CEP112: variants seen among roughly 807,000 people sequenced by gnomAD.
CEP112 encodes centrosomal protein of 112 kDa.
CEP112 carries 127 observed loss-of-function variants against 153.0 expected under a neutral mutation model. The observed-to-expected ratio is 0.83, with a 90% CI of 0.72 to 0.96. The LOEUF is 0.96. Among genes scored for constraint, CEP112 ranks in the 40% least tolerant of loss-of-function variants. The probability of loss-of-function intolerance (pLI) is 0.00; values close to 1 mark genes in which losing one functional copy is unlikely to be tolerated. For missense variants in CEP112, 1,089 were observed against 1,101.2 expected (o/e 0.99, Z 0.16); for synonymous variants, 358 against 374.4 (o/e 0.96, Z 0.51).
intron 24 of CEP112, among the ~76,000 whole-genome samples, chr17:65,645,885 G>A (rs1385357611): frequency 1.3e-5 from 2 of 152,220 alleles, no homozygotes. Flanking sequence ...GTTGAGGTGT[G>A]GTGGGGGCAG....
chr17:65,750,801 C>G, intron 21 of CEP112, 77 bp from the exon 22 acceptor site: 1 of 1,350,346 alleles, frequency 7.4e-7, no homozygotes, highest in Non-Finnish European at 1.1e-6. Flanking sequence ...TATCACCAGG[C>G]AGCTGGGATG....
intron 21 of CEP112, among the ~76,000 whole-genome samples, chr17:65,789,023 C>A (rs1051898843): frequency 2.6e-5 from 4 of 152,140 alleles, no homozygotes; most frequent in African/African-American, 9.7e-5. Flanking sequence ...GATAGTAAAT[C>A]ATCTTTTTGT....
chr17:66,140,967 T>C (rs1044856588), intron 4 of CEP112, among the ~76,000 whole-genome samples: 3 of 152,194 alleles, frequency 2.0e-5, no homozygotes, highest in Admixed American at 6.5e-5. Context: ...TCTTTCAGGC[T>C]CTTTTCAGTA....
At chr17:65,770,144 TCAAA>T (rs768965831) in intron 21 of CEP112, among the ~76,000 whole-genome samples, 1 of 147,500 alleles carries the variant, frequency 6.8e-6, no homozygotes, top group East Asian at 2.0e-4. Flanking sequence ...CAAAAGATCA[TCAAA>T]CAAACAAACA....
intron 6 of CEP112, among the ~76,000 whole-genome samples, chr17:66,123,388 C>A (rs2069688938): frequency 6.6e-6 from 1 of 152,198 alleles, no homozygotes; most frequent in Non-Finnish European, 1.5e-5. Context: ...ATCTTCTTTG[C>A]CACACCCACT....
intron 1 of CEP112, among the ~76,000 whole-genome samples, chr17:66,186,355 G>A (rs972434129): frequency 4.6e-5 from 7 of 152,090 alleles, no homozygotes; most frequent in African/African-American, 1.7e-4. Flanking sequence ...AGGCTGGAGT[G>A]TAGTGGCACG....
In CEP112 at chr17:66,184,090, C is replaced by CA. The variant is rs200347730; in HGVS notation, c.-8-784dup. Among the ~76,000 whole-genome samples, 1,182 of 147,482 alleles carry CA rather than the reference C, an allele frequency of 8.0e-3. 14 individuals carry two copies. Among genetic ancestry groups the CA allele is most frequent in the African/African-American group, 0.027 (1,102 of 40,244 alleles). ...TTGGTGAGACCCCATCTCTACAAAA[C>CA]AAAAAAAAAATTAAAAATTAGCCAG... On this transcript the variant is annotated intron_variant, in intron 1 of 26. Coordinates refer to ENST00000535342, the MANE Select transcript of CEP112 (RefSeq NM_001199165.4).
chr17:65,883,521 C>T (rs2059162475), intron 20 of CEP112, among the ~76,000 whole-genome samples: 1 of 151,998 alleles, frequency 6.6e-6, no homozygotes, highest in Admixed American at 6.6e-5. Context: ...CCACCATGCC[C>T]AGCTAATGTT....
At chr17:65,944,624 G>A (rs1051502955) in intron 18 of CEP112, among the ~76,000 whole-genome samples, 4 of 151,786 alleles carry the variant, frequency 2.6e-5, no homozygotes, top group Admixed American at 6.6e-5. Flanking sequence ...TTGCTCTGTC[G>A]CTCAGGCTAG....
intron 8 of CEP112, among the ~76,000 whole-genome samples, chr17:66,078,674 A>T (rs973022589): frequency 1.3e-5 from 2 of 151,398 alleles, no homozygotes; most frequent in South Asian, 2.1e-4. Flanking sequence ...GGTTTTTTTT[A>T]ATTTTTGTTT....
chr17:65,868,292 G>C (rs958275560), intron 20 of CEP112, among the ~76,000 whole-genome samples: 1 of 152,058 alleles, frequency 6.6e-6, no homozygotes, highest in African/African-American at 2.4e-5. Flanking sequence ...TTGAGGTCAG[G>C]AGTTCAAGAC....
chr17:66,149,710 TGTA>T (rs1191718229), intron 4 of CEP112, among the ~76,000 whole-genome samples: 6 of 151,982 alleles, frequency 3.9e-5, no homozygotes, highest in African/African-American at 1.4e-4. Context: ...TTCTTACCCA[TGTA>T]GTTAAAAGTT....
chr17:65,841,347 G>A (rs1305057566), intron 21 of CEP112, among the ~76,000 whole-genome samples: 1 of 152,038 alleles, frequency 6.6e-6, no homozygotes, highest in Non-Finnish European at 1.5e-5. Context: ...GTCATTTTCA[G>A]CAACATGGAT....
intron 4 of CEP112, among the ~76,000 whole-genome samples, chr17:66,156,605 T>C (rs2071451434): frequency 6.6e-6 from 1 of 152,136 alleles, no homozygotes; most frequent in Non-Finnish European, 1.5e-5. Flanking sequence ...GAGCATGTTC[T>C]AACCCAATGC....
intron 4 of CEP112, among the ~76,000 whole-genome samples, chr17:66,163,134 G>A (rs988211501): frequency 1.3e-5 from 2 of 152,052 alleles, no homozygotes; most frequent in Admixed American, 6.6e-5. Context: ...GGTACCCAGC[G>A]GTCTTCTGGA....
rs780484299 is a variant in CEP112, at chr17:65,743,122, T to C, written c.2553A>G (p.Gln851=). 4 of 1,612,486 alleles carry C rather than the reference T, an allele frequency of 2.5e-6. No individual in the cohort carries two copies. In the African/African-American group the frequency reaches 5.3e-5, roughly 22 times the overall value. Reference sequence around the variant, plus strand: ...GCTGCTTCTTCTCATCTTCAAACTTTTGTCTAACATCCTGGAGCCGCCTTT... The same window carrying C: ...GCTGCTTCTTCTCATCTTCAAACTTCTGTCTAACATCCTGGAGCCGCCTTT... ...AAERRLQDVR[Q]KFEDEKKQLI... The change falls in exon 23 of 27, where the codon CAA becomes CAG. Residue 851 remains glutamine, a synonymous_variant. Transcript: ENST00000535342.
chr17:66,123,374 C>T (rs2069688141), intron 6 of CEP112, among the ~76,000 whole-genome samples: 1 of 152,216 alleles, frequency 6.6e-6, no homozygotes. Flanking sequence ...GGGAGAGAAA[C>T]TTCATCTTCT....
At chr17:66,164,692 C>T (rs561467892) in intron 4 of CEP112, among the ~76,000 whole-genome samples, 3 of 151,752 alleles carry the variant, frequency 2.0e-5, no homozygotes, top group East Asian at 3.9e-4. Context: ...CCCGTCTCTA[C>T]TAAAAATACA....
At chr17:66,074,873 G>GAAAAAAAA in intron 8 of CEP112, among the ~76,000 whole-genome samples, 1 of 91,274 alleles carries the variant, frequency 1.1e-5, no homozygotes, top group Non-Finnish European at 2.3e-5. Flanking sequence ...AAAAAAAAAA[G>GAAAAAAAA]AAAAAAAAAA....
Sources: gnomAD v4.1 joint callset for allele counts (sites outside exome capture counted in the v4.1 genomes callset) on GRCh38, gnomAD v4.1.1 for gene constraint, MANE v1.5 for transcripts, NCBI Gene and HGNC (gene_info 2026-07-23, HGNC 2026-07-21) for gene names.